The following RSPO3 variants were observed in gnomAD, a reference collection of about 807,000 sequenced individuals.
The protein encoded by RSPO3 is R-spondin 3.
A neutral mutation model predicts 36.5 loss-of-function variants in RSPO3; 17 were observed. That is an observed-to-expected ratio of 0.47 (90% CI 0.32 to 0.70). RSPO3 has a LOEUF of 0.70. Among genes scored for constraint, RSPO3 ranks in the 30% least tolerant of loss-of-function variants. The pLI, the probability that RSPO3 is intolerant of heterozygous loss-of-function variation, is 0.04. For missense variants in RSPO3, 294 were observed against 322.5 expected (o/e 0.91, Z 0.68); for synonymous variants, 108 against 107.0 (o/e 1.01, Z -0.06).
intron 1 of RSPO3, among the ~76,000 whole-genome samples, chr6:127,138,124 G>A (rs1017184603): frequency 6.6e-6 from 1 of 152,040 alleles, no homozygotes; most frequent in Non-Finnish European, 1.5e-5. Flanking sequence ...TTTGGGAGTG[G>A]CATCTTACCT....
intron 1 of RSPO3, among the ~76,000 whole-genome samples, chr6:127,145,991 G>A (rs1376101235): frequency 6.6e-6 from 1 of 151,996 alleles, no homozygotes; most frequent in African/African-American, 2.4e-5. Flanking sequence ...GTGTAATACT[G>A]ACTGTGTAAT....
chr6:127,189,516 C>T (rs1027136838), intron 4 of RSPO3, among the ~76,000 whole-genome samples: 1 of 152,046 alleles, frequency 6.6e-6, no homozygotes, highest in Admixed American at 6.6e-5. Flanking sequence ...GCTTTCATTT[C>T]CTAAAGTTTA....
chr6:127,119,515 C>G (rs1414651864), intron 1 of RSPO3, among the ~76,000 whole-genome samples: 1 of 152,188 alleles, frequency 6.6e-6, no homozygotes, highest in Non-Finnish European at 1.5e-5. Flanking sequence ...CGGGCGGACG[C>G]GGCGCTAAGG....
intron 4 of RSPO3, among the ~76,000 whole-genome samples, chr6:127,191,266 G>T (rs1775404510): frequency 6.6e-6 from 1 of 152,148 alleles, no homozygotes; most frequent in Non-Finnish European, 1.5e-5. Flanking sequence ...AGTAAGTTTT[G>T]AGAGTATATA....
chr6:127,119,989 C>T (rs780279099), intron 1 of RSPO3: 2 of 152,580 alleles, frequency 1.3e-5, no homozygotes, highest in Non-Finnish European at 1.5e-5. Context: ...TCCAGGTTCT[C>T]TCTTGTCACA....
chr6:127,136,322 C>T (rs1774155778), intron 1 of RSPO3, among the ~76,000 whole-genome samples: 1 of 152,118 alleles, frequency 6.6e-6, no homozygotes, highest in Non-Finnish European at 1.5e-5. Flanking sequence ...TAAAAAGTTA[C>T]AATAACCTGT....
At chr6:127,141,123 T>C (rs1408933256) in intron 1 of RSPO3, among the ~76,000 whole-genome samples, 2 of 152,234 alleles carry the variant, frequency 1.3e-5, no homozygotes, top group African/African-American at 2.4e-5. Context: ...CATTCCTGCC[T>C]TTCCTGCATC....
chr6:127,157,712 T>A (rs1157050824), intron 4 of RSPO3, among the ~76,000 whole-genome samples: 1 of 152,030 alleles, frequency 6.6e-6, no homozygotes, highest in Non-Finnish European at 1.5e-5. Flanking sequence ...ACATTTACAA[T>A]TAATTTCCAG....
At chr6:127,139,272 G>T (rs1031999353) in intron 1 of RSPO3, among the ~76,000 whole-genome samples, 1 of 152,208 alleles carries the variant, frequency 6.6e-6, no homozygotes, top group Non-Finnish European at 1.5e-5. Flanking sequence ...TCTAGTGCTT[G>T]TTGAAATACC....
intron 4 of RSPO3, among the ~76,000 whole-genome samples, chr6:127,186,284 T>C (rs1056763540): frequency 2.6e-5 from 4 of 152,142 alleles, no homozygotes; most frequent in African/African-American, 9.6e-5. Context: ...ATGAATGAGC[T>C]GTGGGCCTAC....
chr6:127,180,958 T>C (rs1316020555), intron 4 of RSPO3, among the ~76,000 whole-genome samples: 1 of 151,916 alleles, frequency 6.6e-6, no homozygotes, highest in Non-Finnish European at 1.5e-5. Flanking sequence ...AAGGTCATAT[T>C]GCTGATGAGT....
Position 127,153,043 on chromosome 6 carries a change from A to G in RSPO3, c.437-2198A>G, listed in dbSNP as rs948072354. 3.3e-5 allele frequency among the ~76,000 whole-genome samples: 5 copies of G among 152,246 alleles called. No homozygotes were observed. The East Asian group carries it at 9.7e-4, about 29-fold the overall frequency. On this transcript the variant is annotated intron_variant, in intron 3 of 4. Coordinates refer to ENST00000356698, the MANE Select transcript of RSPO3 (RefSeq NM_032784.5). ...GACATCCTATTCAACTTTCTTGCCAATTCGGGAATCCCTTTTACAGCATCT... is the reference window on the plus strand; with the variant it reads ...GACATCCTATTCAACTTTCTTGCCAGTTCGGGAATCCCTTTTACAGCATCT...
intron 4 of RSPO3, among the ~76,000 whole-genome samples, chr6:127,169,338 C>A (rs1163742147): frequency 6.6e-6 from 1 of 151,752 alleles, no homozygotes; most frequent in Non-Finnish European, 1.5e-5. Flanking sequence ...TATTCATTCA[C>A]AAACATTATA....
intron 1 of RSPO3, chr6:127,119,840 G>A (rs1773804181): frequency 1.3e-5 from 2 of 152,370 alleles, no homozygotes; most frequent in Admixed American, 1.3e-4. Context: ...CCGCATCCCC[G>A]ACACGCACCA....
intron 4 of RSPO3, among the ~76,000 whole-genome samples, chr6:127,181,677 C>A (rs1028778986): frequency 6.6e-6 from 1 of 151,930 alleles, no homozygotes; most frequent in African/African-American, 2.4e-5. Context: ...CCTTCCTCTC[C>A]CCAAATTCTG....
chr6:127,136,179 G>C (rs558124362), intron 1 of RSPO3, among the ~76,000 whole-genome samples: 3 of 152,224 alleles, frequency 2.0e-5, no homozygotes, highest in Admixed American at 1.3e-4. Context: ...CCAGAGAAGG[G>C]CTCTATGGAT....
Position 127,129,205 on chromosome 6 carries a change from G to C in RSPO3, c.97+9916G>C, listed in dbSNP as rs139467231. On this transcript the variant is annotated intron_variant, in intron 1 of 4. Transcript: ENST00000356698. ...TTTTAACTCTACCTTAATGGGTTCT[G>C]TTTTGCAGTAGGTCATTTATTCATG... Among the ~76,000 whole-genome samples, 84 of 152,162 alleles carry C rather than the reference G, an allele frequency of 5.5e-4. No individual in the cohort carries two copies. The East Asian group carries it at 0.013, about 23-fold the overall frequency.
intron 4 of RSPO3, among the ~76,000 whole-genome samples, chr6:127,184,205 G>A (rs1775244973): frequency 6.6e-6 from 1 of 151,936 alleles, no homozygotes; most frequent in Admixed American, 6.6e-5. Context: ...AAAATAATCA[G>A]TCCTGTGAAT....
intron 4 of RSPO3, among the ~76,000 whole-genome samples, chr6:127,180,965 G>A (rs1372635241): frequency 2.0e-5 from 3 of 151,840 alleles, no homozygotes; most frequent in African/African-American, 7.2e-5. Flanking sequence ...TATTGCTGAT[G>A]AGTAATATAG....
Sources: gnomAD v4.1 joint callset for allele counts (sites outside exome capture counted in the v4.1 genomes callset) on GRCh38, gnomAD v4.1.1 for gene constraint, MANE v1.5 for transcripts, NCBI Gene and HGNC (gene_info 2026-07-23, HGNC 2026-07-21) for gene names.